The following FIBCD1 variants were observed in gnomAD, a reference collection of about 807,000 sequenced individuals.
FIBCD1 encodes fibrinogen C domain containing 1, also known as fibrinogen C domain-containing protein 1.
A neutral mutation model predicts 45.1 loss-of-function variants in FIBCD1; 47 were observed. The ratio of observed to expected loss-of-function variants is 1.04; its 90% CI spans 0.82 to 1.33. FIBCD1 has a LOEUF of 1.33. Among genes scored for constraint, FIBCD1 ranks in the 40% most tolerant of loss-of-function variants. The probability of loss-of-function intolerance (pLI) is 0.00; values close to 1 mark genes in which losing one functional copy is unlikely to be tolerated. For missense variants in FIBCD1, 653 were observed against 682.2 expected (o/e 0.96, Z 0.48); for synonymous variants, 313 against 308.1 (o/e 1.02, Z -0.17).
Position 130,921,019 on chromosome 9 carries a change from T to C in FIBCD1, c.849+2725A>G, listed in dbSNP as rs1832251737. Among the ~76,000 whole-genome samples, 2 of 152,226 alleles carry C rather than the reference T, an allele frequency of 1.3e-5. 1 individual carries two copies. Among genetic ancestry groups the C allele is most frequent in the Non-Finnish European group, 2.9e-5 (2 of 68,032 alleles). On this transcript the variant is annotated intron_variant, in intron 4 of 6. Coordinates refer to ENST00000372338, the MANE Select transcript of FIBCD1 (RefSeq NM_032843.5). ...GCACATCCCTGGCCTTCTCTGAGGC[T>C]GCCCTGCCTGCCTCCAGGGATTGAA... is the stretch of plus-strand genomic sequence containing the variant.
chr9:130,938,624 C>T lies in FIBCD1; in HGVS notation c.-17G>A. On this transcript the variant is annotated 5_prime_UTR_variant, in exon 1 of 7. Coordinates refer to ENST00000372338, the MANE Select transcript of FIBCD1 (RefSeq NM_032843.5). ...GTTGACCATCTTCCGGCAGGACTGG[C>T]GGGGGCGCCGGGCGAGGCGCGCCGC... is the stretch of plus-strand genomic sequence containing the variant. The T allele has an allele frequency of 2.8e-6, 4 of 1,418,620 alleles. No individual in the cohort carries two copies. Among genetic ancestry groups the T allele is most frequent in the Non-Finnish European group, 2.8e-6 (3 of 1,083,508 alleles). 87.9% of individuals were successfully genotyped at this position (1,418,620 alleles called of 1,614,324 possible). A position where few individuals can be genotyped will look rare whatever the true frequency, so the allele number is the denominator to read the frequency against.
intron 2 of FIBCD1, 86 bp from the exon 3 acceptor site, chr9:130,924,482 G>A (rs1832325873): frequency 5.3e-6 from 7 of 1,308,978 alleles, no homozygotes; most frequent in Non-Finnish European, 6.3e-6. Flanking sequence ...GCCAGAGTGG[G>A]CCCTCTCCTG....
In FIBCD1 at chr9:130,922,859, C is replaced by T. The variant is rs1832285770; in HGVS notation, c.849+885G>A. On this transcript the variant is annotated intron_variant, in intron 4 of 6. Coordinates refer to ENST00000372338, the MANE Select transcript of FIBCD1 (RefSeq NM_032843.5). The surrounding 1 kb of genome is among the most constrained non-coding windows in gnomAD (Gnocchi z 4.5). ...AGCCGCGTTAGGTTGCCCCCTCCTC[C>T]TGGAATACCTTCTCCTTCCTGCCCG... is the stretch of plus-strand genomic sequence containing the variant. Among the ~76,000 whole-genome samples the T allele has an allele frequency of 6.6e-6, 1 of 152,178 alleles. No individual in the cohort carries two copies. Among genetic ancestry groups the T allele is most frequent in the Admixed American group, 6.5e-5 (1 of 15,282 alleles).
chr9:130,908,525 G>C (rs570498508), intron 5 of FIBCD1, among the ~76,000 whole-genome samples: 3 of 152,346 alleles, frequency 2.0e-5, no homozygotes, highest in Admixed American at 2.0e-4. Flanking sequence ...GTTCGGGGAT[G>C]AGGCGAGCTG....
Position 130,922,840 on chromosome 9 carries a change from G to A in FIBCD1, c.849+904C>T, listed in dbSNP as rs776712615. Among the ~76,000 whole-genome samples the A allele has an allele frequency of 1.3e-5, 2 of 152,098 alleles. No homozygotes were observed. The highest frequency in any genetic ancestry group is 2.4e-5 in the African/African-American group (1 of 41,394). On this transcript the variant is annotated intron_variant, in intron 4 of 6. Transcript: ENST00000372338. The surrounding 1 kb of genome is among the most constrained non-coding windows in gnomAD (Gnocchi z 4.5). Reference sequence around the variant, plus strand: ...TCCTCAGATGTTCCCTGGTAGCCGCGTTAGGTTGCCCCCTCCTCCTGGAAT... The same window carrying A: ...TCCTCAGATGTTCCCTGGTAGCCGCATTAGGTTGCCCCCTCCTCCTGGAAT...
At chr9:130,930,760 C>A (rs1162335587) in intron 1 of FIBCD1, 2 of 455,968 alleles carry the variant, frequency 4.4e-6, no homozygotes, top group South Asian at 3.1e-5. Flanking sequence ...TGACCTTGGG[C>A]CAGGGGCCTC....
In FIBCD1 at chr9:130,923,815, CAG is replaced by C; in HGVS notation, c.776_777del (p.Ser259CysfsTer15). On this transcript the variant is annotated frameshift_variant, in exon 4 of 7. Transcript: ENST00000372338. LOFTEE classifies it high-confidence loss of function. ...LSGQQDDGVY[S>X]VFPTHYPAGF... ...CCGGCCGGGTAGTGGGTGGGAAAGACAGAGTAGACGCCATCGTCCTGCTGTCC... is the reference window on the plus strand; with the variant it reads ...CCGGCCGGGTAGTGGGTGGGAAAGACAGTAGACGCCATCGTCCTGCTGTCC... 1.2e-6 allele frequency: 2 copies of C among 1,612,948 alleles called. No homozygotes were observed. Among genetic ancestry groups the C allele is most frequent in the East Asian group, 2.2e-5 (1 of 44,870 alleles).
Position 130,911,039 on chromosome 9 carries a change from AAG to A in FIBCD1, c.946+751_946+752del, listed in dbSNP as rs540186718. On this transcript the variant is annotated intron_variant, in intron 5 of 6. Coordinates refer to ENST00000372338, the MANE Select transcript of FIBCD1 (RefSeq NM_032843.5). ...CAGCAGGATGTGGGTGGGGCCACATAAGAGAATAAAAGCAGGCTGCCCCAGCC... is the reference window on the plus strand; with the variant it reads ...CAGCAGGATGTGGGTGGGGCCACATAAGAATAAAAGCAGGCTGCCCCAGCC... Among the ~76,000 whole-genome samples the A allele has an allele frequency of 2.5e-3, 375 of 152,302 alleles. 1 individual carries two copies. Among genetic ancestry groups the A allele is most frequent in the South Asian group, 0.012 (59 of 4,818 alleles).
At chr9:130,940,008 G>T (rs1011870653), upstream of FIBCD1, among the ~76,000 whole-genome samples, 1 of 140,552 alleles carries the variant, frequency 7.1e-6, no homozygotes, top group Admixed American at 7.0e-5. Context: ...ACAGACCCCC[G>T]TTCCCCGCCC....
chr9:130,926,017 A>G lies in FIBCD1; in HGVS notation c.553-1621T>C, dbSNP rs1213020904. Among the ~76,000 whole-genome samples the G allele has an allele frequency of 6.6e-6, 1 of 151,972 alleles. No individual in the cohort carries two copies. The highest frequency in any genetic ancestry group is 2.4e-5 in the African/African-American group (1 of 41,364). ...ATTCAGTGAGGGCTGAGGCCAGGGG[A>G]GAGAGGAGCAGAGATGGGCAGGCAG... On this transcript the variant is annotated intron_variant, in intron 2 of 6. Transcript: ENST00000372338. The surrounding 1 kb of genome is among the most constrained non-coding windows in gnomAD (Gnocchi z 4.1).
In FIBCD1 at chr9:130,921,274, A is replaced by G. The variant is rs559361856; in HGVS notation, c.849+2470T>C. Among the ~76,000 whole-genome samples, 554 of 152,358 alleles carry G rather than the reference A, an allele frequency of 3.6e-3. 6 individuals are homozygous for G. The highest frequency in any genetic ancestry group is 0.013 in the African/African-American group (529 of 41,582). ...GCCTAGCAGTTCGGACAGGGAGTCT[A>G]ATGAGGATGGATGGTATCCAGGGCT... On this transcript the variant is annotated intron_variant, in intron 4 of 6. Coordinates refer to ENST00000372338, the MANE Select transcript of FIBCD1 (RefSeq NM_032843.5).
rs558942868 is a variant in FIBCD1, at chr9:130,930,751, G to A, written c.73-705C>T. 1.7e-3 allele frequency: 765 copies of A among 455,864 alleles called. 15 individuals are homozygous for A. The highest frequency in any genetic ancestry group is 0.012 in the South Asian group (747 of 64,690). The allele number at this position is 455,864 out of a possible 1,614,324, so 28.2% of individuals were successfully genotyped here. ...CTCTAAGCTGCATTTCCCACAGTGT[G>A]ACCTTGGGCCAGGGGCCTCACCTCT... On this transcript the variant is annotated intron_variant, in intron 1 of 6. Coordinates refer to ENST00000372338, the MANE Select transcript of FIBCD1 (RefSeq NM_032843.5).
intron 1 of FIBCD1, among the ~76,000 whole-genome samples, chr9:130,932,150 T>C (rs1042287801): frequency 6.6e-6 from 1 of 152,248 alleles, no homozygotes; most frequent in African/African-American, 2.4e-5. Context: ...TAGTGATACA[T>C]TGAACAGAGA....
intron 1 of FIBCD1, 116 bp from the exon 2 acceptor site, chr9:130,930,162 C>T (rs1832423793): frequency 2.6e-5 from 34 of 1,306,586 alleles, no homozygotes; most frequent in Non-Finnish European, 3.4e-5. Context: ...TGGGCAAGGG[C>T]GTGGCACAGA....
chr9:130,919,884 A>T (rs983065341), intron 4 of FIBCD1, among the ~76,000 whole-genome samples: 4 of 150,422 alleles, frequency 2.7e-5, no homozygotes, highest in Non-Finnish European at 5.9e-5. Flanking sequence ...GCCAGTGACT[A>T]TGCAATGTTG....
At position 130,920,052 on chromosome 9, in the gene FIBCD1, A is replaced by T. The variant is rs565651625; in HGVS notation, c.849+3692T>A. 3.4e-5 allele frequency among the ~76,000 whole-genome samples: 5 copies of T among 148,784 alleles called. No individual in the cohort carries two copies. In the East Asian group the frequency reaches 1.0e-3, roughly 31 times the overall value. On this transcript the variant is annotated intron_variant, in intron 4 of 6. Coordinates refer to ENST00000372338, the MANE Select transcript of FIBCD1 (RefSeq NM_032843.5). ...TTCCGCCCACCTGCAGGTTCTGGGC[A>T]CAGCCAGCCCATTCCCCAGGCCCTG...
chr9:130,923,520 T>C (rs978677150), intron 4 of FIBCD1, among the ~76,000 whole-genome samples: 1 of 152,238 alleles, frequency 6.6e-6, no homozygotes, highest in African/African-American at 2.4e-5. Flanking sequence ...TCCTGCCTAA[T>C]GTCCGCTCCA....
chr9:130,917,200 G>C (rs1005505189), intron 4 of FIBCD1, among the ~76,000 whole-genome samples: 1 of 152,234 alleles, frequency 6.6e-6, no homozygotes, highest in Non-Finnish European at 1.5e-5. Context: ...GCTCCGGGGG[G>C]GCGTCTCTCT....
At chr9:130,935,196 A>G (rs1389308859) in intron 1 of FIBCD1, among the ~76,000 whole-genome samples, 1 of 152,184 alleles carries the variant, frequency 6.6e-6, no homozygotes, top group East Asian at 1.9e-4. Flanking sequence ...GTTCTTAGAA[A>G]TTTTGAAAGC....
Sources: gnomAD v4.1 joint callset for allele counts (sites outside exome capture counted in the v4.1 genomes callset) on GRCh38, gnomAD v4.1.1 for gene constraint, Gnocchi (gnomAD v3.1) non-coding constraint, MANE v1.5 for transcripts, NCBI Gene and HGNC (gene_info 2026-07-23, HGNC 2026-07-21) for gene names.